Variants in ANKS1B observed in about 807,000 individuals in gnomAD.
The protein encoded by ANKS1B is ankyrin repeat and sterile alpha motif domain-containing protein 1B.
ANKS1B carries 36 observed loss-of-function variants against 148.3 expected under a neutral mutation model. The observed-to-expected ratio is 0.24, with a 90% CI of 0.19 to 0.32. ANKS1B has a LOEUF of 0.32. Ranked by LOEUF, ANKS1B falls within the 10% of genes least tolerant of loss-of-function variation. ANKS1B has a pLI of 1.00. For missense variants in ANKS1B, 1,157 were observed against 1,542.6 expected, an observed-to-expected ratio of 0.75 and a Z score of 4.19; for synonymous variants, 542 against 560.8, an observed-to-expected ratio of 0.97 and a Z score of 0.47.
At chr12:99,763,121 A>T (rs2062308980) in intron 8 of ANKS1B, among the ~76,000 whole-genome samples, 1 of 152,148 alleles carries the variant, frequency 6.6e-6, no homozygotes, top group Admixed American at 6.5e-5. Flanking sequence ...CTACCATTTG[A>T]CCCAGCAATC....
chr12:99,925,469 T>C (rs1190997914), intron 1 of ANKS1B, among the ~76,000 whole-genome samples: 1 of 152,220 alleles, frequency 6.6e-6, no homozygotes, highest in African/African-American at 2.4e-5. Context: ...CCTAGCCTCC[T>C]ATCTTTGGGG....
rs1430732866 is a variant in ANKS1B at position 98,796,404 on chromosome 12, A to C, written c.3342+2530T>G. The stretch of plus-strand genomic sequence containing the variant: ...GTGTCCTAAAGTATTTTTCATGGGG[A>C]GTTTTGATTGAACTGGGACTTTTGG... On this transcript the variant is annotated intron_variant, in intron 22 of 26. Transcript: ENST00000683438. 3.3e-5 allele frequency among the ~76,000 whole-genome samples: 5 copies of C among 152,262 alleles called. No homozygotes were observed. The East Asian group carries it at 9.6e-4, about 29-fold the overall frequency.
At chr12:98,752,548 C>T (rs562986281) in intron 25 of ANKS1B, among the ~76,000 whole-genome samples, 8 of 152,028 alleles carry the variant, frequency 5.3e-5, no homozygotes, top group East Asian at 1.9e-4. Context: ...TGAGCCACCA[C>T]GCCTGGTCCA....
At chr12:98,969,063 T>C (rs576953680) in intron 17 of ANKS1B, among the ~76,000 whole-genome samples, 202 of 152,252 alleles carry the variant, frequency 1.3e-3, no homozygotes, top group African/African-American at 4.4e-3. Context: ...GCACCCACAC[T>C]CTCCTGTCCT....
At chr12:99,586,785 C>G (rs2097646276) in intron 9 of ANKS1B, among the ~76,000 whole-genome samples, 1 of 152,134 alleles carries the variant, frequency 6.6e-6, no homozygotes, top group African/African-American at 2.4e-5. Context: ...TACGTGGTTG[C>G]AGGCAAAGAG....
At chr12:99,503,056 C>A (rs2096671086) in intron 10 of ANKS1B, among the ~76,000 whole-genome samples, 1 of 152,350 alleles carries the variant, frequency 6.6e-6, no homozygotes, top group Non-Finnish European at 1.5e-5. Context: ...CCCACCTCAG[C>A]CTCCTGAATA....
intron 6 of ANKS1B, among the ~76,000 whole-genome samples, chr12:99,779,520 A>C (rs1245680125): frequency 6.6e-6 from 1 of 152,174 alleles, no homozygotes; most frequent in East Asian, 1.9e-4. Flanking sequence ...GAAAATGCTG[A>C]AAGTATTATT....
At chr12:98,848,942 T>C (rs2099504398) in intron 17 of ANKS1B, among the ~76,000 whole-genome samples, 1 of 151,998 alleles carries the variant, frequency 6.6e-6, no homozygotes, top group Non-Finnish European at 1.5e-5. Context: ...TTTCACCATG[T>C]TGGCCAGGCT....
intron 19 of ANKS1B, 24 bp from the exon 20 acceptor site, chr12:98,807,942 T>G (rs772288052): frequency 2.5e-6 from 4 of 1,589,708 alleles, no homozygotes; most frequent in Non-Finnish European, 3.4e-6. Flanking sequence ...AAAACTATCT[T>G]ATCTTGTCAA....
chr12:99,686,969 TATC>T (rs1435213021), intron 8 of ANKS1B, among the ~76,000 whole-genome samples: 12 of 152,174 alleles, frequency 7.9e-5, no homozygotes, highest in Non-Finnish European at 1.6e-4. Context: ...TTCCATCTGA[TATC>T]ATTTTTGCCT....
At chr12:99,143,758 A>G (rs911025893) in intron 15 of ANKS1B, among the ~76,000 whole-genome samples, 1 of 151,982 alleles carries the variant, frequency 6.6e-6, no homozygotes, top group South Asian at 2.1e-4. Context: ...AGACTGCTTA[A>G]TATCTGTATA....
intron 17 of ANKS1B, among the ~76,000 whole-genome samples, chr12:98,923,370 C>G (rs2099803992): frequency 6.6e-6 from 1 of 152,134 alleles, no homozygotes; most frequent in Non-Finnish European, 1.5e-5. Context: ...TATAAACTAC[C>G]CGTCTCAGGT....
intron 12 of ANKS1B, among the ~76,000 whole-genome samples, chr12:99,312,319 A>G (rs1287274659): frequency 6.6e-6 from 1 of 152,198 alleles, no homozygotes; most frequent in Non-Finnish European, 1.5e-5. Context: ...TTTTCATTTT[A>G]TCATATGAAA....
At chr12:98,876,489 T>C (rs1215402515) in intron 17 of ANKS1B, among the ~76,000 whole-genome samples, 1 of 152,222 alleles carries the variant, frequency 6.6e-6, no homozygotes, top group African/African-American at 2.4e-5. Context: ...TTGGTGTCTG[T>C]TACATGCTTG....
intron 10 of ANKS1B, among the ~76,000 whole-genome samples, chr12:99,478,579 T>A (rs559613833): frequency 2.0e-5 from 3 of 152,256 alleles, no homozygotes; most frequent in Admixed American, 6.5e-5. Flanking sequence ...TATTTTGATA[T>A]GGGTGTGACC....
chr12:99,740,308 T>TGAAAAA (rs2059972819), intron 8 of ANKS1B, among the ~76,000 whole-genome samples: 1 of 129,864 alleles, frequency 7.7e-6, no homozygotes, highest in East Asian at 2.4e-4. Flanking sequence ...AGACCGTGTC[T>TGAAAAA]CAAAAACAAA....
chr12:98,751,377 C>T lies in ANKS1B; in HGVS notation c.3725G>A (p.Arg1242His), dbSNP rs1299243501. 1.9e-6 allele frequency: 3 copies of T among 1,613,758 alleles called. No individual in the cohort carries two copies. Among genetic ancestry groups the T allele is most frequent in the Non-Finnish European group, 2.5e-6 (3 of 1,179,752 alleles). ...NKPSKPIPKP[R>H]VSIRKSVQID... is the part of the protein sequence containing the mutation. ...TACCACGGACTTGCGAATGCTAACGCGGGGCTTGGGGATGGGTTTGGAGGG... is the reference window on the plus strand; with the variant it reads ...TACCACGGACTTGCGAATGCTAACGTGGGGCTTGGGGATGGGTTTGGAGGG... Residue 1242 changes from arginine to histidine, a missense_variant, in exon 26 of 27, where the codon CGC (arginine) becomes CAC (histidine). Arg to His is a conservative substitution (Grantham distance 29). Around this residue, in one of 6 missense-constraint regions of ANKS1B, gnomAD observed 46 missense variants for 62.0 expected, o/e 0.74. Coordinates refer to ENST00000683438, the MANE Select transcript of ANKS1B (RefSeq NM_001352186.2). This position sits in a 1 kb window ranked among gnomAD's most constrained non-coding sequence, Gnocchi z 4.3.
chr12:99,254,956 A>G (rs772420143), intron 12 of ANKS1B, among the ~76,000 whole-genome samples: 6 of 152,178 alleles, frequency 3.9e-5, no homozygotes, highest in Admixed American at 2.6e-4. Context: ...CATGAAAGAA[A>G]TAGGCCTTTG....
intron 12 of ANKS1B, among the ~76,000 whole-genome samples, chr12:99,351,670 G>A (rs551294168): frequency 6.6e-5 from 10 of 151,986 alleles, no homozygotes; most frequent in African/African-American, 2.2e-4. Context: ...GAGCAATCAC[G>A]GTATATGACA....
Sources: gnomAD v4.1 joint callset for allele counts (sites outside exome capture counted in the v4.1 genomes callset) on GRCh38, gnomAD v4.1.1 for gene constraint, gnomAD v4.1.1 regional missense constraint, Gnocchi (gnomAD v3.1) non-coding constraint, MANE v1.5 for transcripts, NCBI Gene and HGNC (gene_info 2026-07-23, HGNC 2026-07-21) for gene names.